SDK1: variants seen among roughly 807,000 people sequenced by gnomAD.
SDK1 encodes the protein protein sidekick-1.
A neutral mutation model predicts 245.5 loss-of-function variants in SDK1; 157 were observed. The ratio of observed to expected loss-of-function variants is 0.64; its 90% CI spans 0.56 to 0.73. The LOEUF is 0.73. SDK1 is among the 30% of genes least tolerant of loss of function. The pLI is 0.00. For missense variants in SDK1, 3,583 were observed against 3,002.3 expected (o/e 1.19, Z -4.52); for synonymous variants, 1,647 against 1,278.5 (o/e 1.29, Z -6.15).
rs148980896 is a variant in SDK1, at chr7:3,644,514, C to T, written c.713+2409C>T. 4.0e-3 allele frequency among the ~76,000 whole-genome samples: 608 copies of T among 151,242 alleles called. 6 individuals carry two copies. Among genetic ancestry groups the T allele is most frequent in the African/African-American group, 0.014 (584 of 41,236 alleles). On this transcript the variant is annotated intron_variant, in intron 4 of 44. Coordinates refer to ENST00000404826, the MANE Select transcript of SDK1 (RefSeq NM_152744.4). ...TTGCGGTGGCTTGTTCCTGTAATCT[C>T]GGCACTTTAGGATGCTGATTGCTTG...
At chr7:3,497,922 T>A (rs940396089) in intron 1 of SDK1, among the ~76,000 whole-genome samples, 2 of 152,234 alleles carry the variant, frequency 1.3e-5, no homozygotes, top group Non-Finnish European at 2.9e-5. Flanking sequence ...AGTTTCTGGA[T>A]GTGATACTTT....
At chr7:3,870,558 T>G (rs1266562039) in intron 5 of SDK1, among the ~76,000 whole-genome samples, 1 of 146,750 alleles carries the variant, frequency 6.8e-6, no homozygotes, top group African/African-American at 2.6e-5. Context: ...CATTTACCTT[T>G]TTGTAAAAAA....
At chr7:3,388,456 A>C (rs1031050847) in intron 1 of SDK1, among the ~76,000 whole-genome samples, 1 of 151,874 alleles carries the variant, frequency 6.6e-6, no homozygotes, top group African/African-American at 2.4e-5. Context: ...ACTTGAGTGC[A>C]GTGGCAAGAT....
intron 1 of SDK1, among the ~76,000 whole-genome samples, chr7:3,354,618 G>C (rs927461835): frequency 6.6e-6 from 1 of 152,036 alleles, no homozygotes; most frequent in Non-Finnish European, 1.5e-5. Flanking sequence ...TTTTTCATGT[G>C]TATCAAAGCT....
At chr7:3,550,085 A>G (rs1054168486) in intron 1 of SDK1, among the ~76,000 whole-genome samples, 1 of 152,178 alleles carries the variant, frequency 6.6e-6, no homozygotes, top group African/African-American at 2.4e-5. Context: ...GTAGCTTTAT[A>G]TACAAATCAT....
intron 4 of SDK1, among the ~76,000 whole-genome samples, chr7:3,667,437 A>T (rs963376757): frequency 6.6e-6 from 1 of 152,192 alleles, no homozygotes; most frequent in Non-Finnish European, 1.5e-5. Flanking sequence ...TTCAGAGGGA[A>T]TATCTTTTTC....
At chr7:3,361,436 G>A (rs1156552901) in intron 1 of SDK1, among the ~76,000 whole-genome samples, 1 of 152,004 alleles carries the variant, frequency 6.6e-6, no homozygotes, top group Non-Finnish European at 1.5e-5. Flanking sequence ...TCAAGTTCTT[G>A]CCCTTGGCTT....
intron 2 of SDK1, among the ~76,000 whole-genome samples, chr7:3,629,321 G>GA (rs1051701500): frequency 7.3e-5 from 11 of 150,252 alleles, no homozygotes; most frequent in African/African-American, 2.7e-4. Context: ...AGAAAAAAAA[G>GA]AAAAAAAAGA....
rs763319351 is a variant in SDK1 at position 4,265,082 on chromosome 7, C to CGCCCT, written c.6382-34_6382-30dup. 1.9e-6 allele frequency: 3 copies of CGCCCT among 1,590,040 alleles called. No homozygotes were observed. The African/African-American group carries it at 4.0e-5, about 21-fold the overall frequency. On this transcript the variant is annotated intron_variant, in intron 44 of 44. Transcript: ENST00000404826. ...CCTGCCCAGCACGCTCCGGGCCCTG[C>CGCCCT]GCCCTGCCCTGCACTCACACCTTCT...
At chr7:3,453,677 T>C (rs1344924081) in intron 1 of SDK1, among the ~76,000 whole-genome samples, 1 of 152,132 alleles carries the variant, frequency 6.6e-6, no homozygotes, top group Non-Finnish European at 1.5e-5. Flanking sequence ...ACTTCTGGGC[T>C]CAAACCATCC....
chr7:4,007,393 A>G lies in SDK1; in HGVS notation c.2132-3573A>G, dbSNP rs1785566789. 2.0e-5 allele frequency among the ~76,000 whole-genome samples: 3 copies of G among 152,016 alleles called. No homozygotes were observed. In the South Asian group the frequency reaches 6.2e-4, roughly 32 times the overall value. On this transcript the variant is annotated intron_variant, in intron 14 of 44. Transcript: ENST00000404826. ...CCAGGCAGCCTCCCAGTGAGGAAGA[A>G]AGAGCCTTACATTTGCTCCCCTCAT...
chr7:3,917,736 A>G (rs2128111457), intron 5 of SDK1, among the ~76,000 whole-genome samples: 1 of 152,164 alleles, frequency 6.6e-6, no homozygotes, highest in East Asian at 1.9e-4. Flanking sequence ...AAAAACTGAG[A>G]CTTCCTAGAC....
At chr7:3,626,495 C>G (rs866237018) in intron 2 of SDK1, among the ~76,000 whole-genome samples, 2 of 152,224 alleles carry the variant, frequency 1.3e-5, no homozygotes, top group South Asian at 2.1e-4. Flanking sequence ...TAACTCTCAG[C>G]CTGCTCTTCA....
chr7:3,724,439 G>A (rs906009790), intron 4 of SDK1, among the ~76,000 whole-genome samples: 8 of 152,146 alleles, frequency 5.3e-5, no homozygotes, highest in Admixed American at 5.2e-4. Flanking sequence ...ATAAATAGTT[G>A]TTATTCTATT....
At chr7:3,743,830 C>T (rs1779542226) in intron 4 of SDK1, among the ~76,000 whole-genome samples, 1 of 152,086 alleles carries the variant, frequency 6.6e-6, no homozygotes, top group Non-Finnish European at 1.5e-5. Context: ...AGGGCGATGC[C>T]TGGACCTTAC....
intron 33 of SDK1, among the ~76,000 whole-genome samples, chr7:4,175,143 C>T (rs1032380466): frequency 2.6e-5 from 4 of 152,236 alleles, no homozygotes; most frequent in African/African-American, 7.2e-5. Flanking sequence ...GCAGCAGCTC[C>T]TATGCTCCTA....
chr7:3,577,910 G>T (rs535678997), intron 1 of SDK1, among the ~76,000 whole-genome samples: 2 of 152,096 alleles, frequency 1.3e-5, no homozygotes, highest in African/African-American at 2.4e-5. Context: ...CATTGCTGAT[G>T]TGGTTTAAAG....
chr7:3,744,810 T>C lies in SDK1; in HGVS notation c.714-76640T>C, dbSNP rs138586987. On this transcript the variant is annotated intron_variant, in intron 4 of 44. Transcript: ENST00000404826. ...CTGGGCGACAGAGTGAGACTCCATCTCAAAAAAACAAACAAACAAAAAAAA... is the reference window on the plus strand; with the variant it reads ...CTGGGCGACAGAGTGAGACTCCATCCCAAAAAAACAAACAAACAAAAAAAA... Among the ~76,000 whole-genome samples the C allele has an allele frequency of 7.5e-3, 1,118 of 149,540 alleles. 15 individuals carry two copies. The highest frequency in any genetic ancestry group is 0.026 in the African/African-American group (1,053 of 40,462).
intron 1 of SDK1, among the ~76,000 whole-genome samples, chr7:3,507,155 A>G (rs921480659): frequency 6.6e-6 from 1 of 152,130 alleles, no homozygotes; most frequent in African/African-American, 2.4e-5. Flanking sequence ...CTGAAGTTCC[A>G]GTGGGACTCT....
Sources: gnomAD v4.1 joint callset for allele counts (sites outside exome capture counted in the v4.1 genomes callset) on GRCh38, gnomAD v4.1.1 for gene constraint, MANE v1.5 for transcripts, NCBI Gene and HGNC (gene_info 2026-07-23, HGNC 2026-07-21) for gene names.